Variants in OPA1 observed in about 807,000 individuals in gnomAD.
OPA1 encodes OPA1 mitochondrial dynamin like GTPase.
In OPA1, 59 loss-of-function variants were observed where a neutral mutation model predicts 152.9. That is an observed-to-expected ratio of 0.39 (90% CI 0.31 to 0.48). OPA1 has a LOEUF of 0.48. Among genes scored for constraint, OPA1 ranks in the 20% least tolerant of loss-of-function variants. OPA1 has a pLI of 0.96. For synonymous variants in OPA1, 400 were observed against 389.9 expected (o/e 1.03, Z -0.31); for missense variants, 1,008 against 1,216.8 (o/e 0.83, Z 2.55).
In OPA1 at chr3:193,593,407, C is replaced by T. The variant is rs750596030; in HGVS notation, c.30C>T (p.Ala10=). MWRLRRAAV[A]CEVCQSLVKH... is the part of the protein sequence containing the mutation. ...GGCGACTACGTCGGGCCGCTGTGGC[C>T]TGGTAAGTGCAGGCTCTAATCTGGC... The change falls in exon 1 of 31, where the codon GCC becomes GCT. Residue 10 remains alanine, a splice_region_variant and synonymous_variant. Transcript: ENST00000361510. 1 of 1,547,490 alleles carries T rather than the reference C, an allele frequency of 6.5e-7. No individual in the cohort carries two copies. The highest frequency in any genetic ancestry group is 2.5e-5 in the East Asian group (1 of 40,638).
intron 1 of OPA1, among the ~76,000 whole-genome samples, chr3:193,607,744 G>A (rs1727514421): frequency 6.6e-6 from 1 of 152,142 alleles, no homozygotes; most frequent in Non-Finnish European, 1.5e-5. Context: ...GGCAATGCAG[G>A]CTCTTTTTTG....
Position 193,615,681 on chromosome 3 carries a change from A to G in OPA1, c.359A>G (p.Asp120Gly). Reference sequence around the variant, plus strand: ...CACTTTCTTGTCTTTTAGACTTTTGATCAGTGGAAAGATATGATACCGGAC... The same window carrying G: ...CACTTTCTTGTCTTTTAGACTTTTGGTCAGTGGAAAGATATGATACCGGAC... Reference protein sequence around the residue: ...GGGYTAKKTFDQWKDMIPDLS... With the variant: ...GGGYTAKKTFGQWKDMIPDLS... Residue 120 changes from aspartate (D) to glycine (G), a missense_variant, in exon 3 of 31, where the codon GAT becomes GGT. Around this residue, in one of 7 missense-constraint regions of OPA1, gnomAD observed 408 missense variants for 395.1 expected, o/e 1.03. Coordinates refer to ENST00000361510, the MANE Select transcript of OPA1 (RefSeq NM_130837.3). 6.3e-7 allele frequency: 1 copy of G among 1,598,086 alleles called. No individual in the cohort carries two copies.
intron 6 of OPA1, among the ~76,000 whole-genome samples, chr3:193,623,928 A>G (rs996898457): frequency 1.3e-5 from 2 of 152,130 alleles, no homozygotes; most frequent in Non-Finnish European, 2.9e-5. Flanking sequence ...TAGCTTTTCT[A>G]TGTCTAATTC....
intron 26 of OPA1, among the ~76,000 whole-genome samples, chr3:193,663,417 A>G (rs1388142094): frequency 6.6e-6 from 1 of 152,166 alleles, no homozygotes; most frequent in Non-Finnish European, 1.5e-5. Context: ...GGATATGACC[A>G]TTGAGTTCTT....
chr3:193,658,133 T>C (rs1387907048), intron 23 of OPA1, among the ~76,000 whole-genome samples: 1 of 151,270 alleles, frequency 6.6e-6, no homozygotes, highest in African/African-American at 2.4e-5. Flanking sequence ...TAATCCCAGC[T>C]ACTCGGGAGG....
At chr3:193,692,159 G>A in intron 30 of OPA1, 27 bp downstream of exon 30, 1 of 1,148,264 alleles carries the variant, frequency 8.7e-7, no homozygotes, top group Non-Finnish European at 1.3e-6. Context: ...TAACTGTATT[G>A]GTGCTGACTA....
intron 1 of OPA1, among the ~76,000 whole-genome samples, chr3:193,596,036 C>G (rs1725427987): frequency 6.6e-6 from 1 of 152,018 alleles, no homozygotes; most frequent in Admixed American, 6.6e-5. Context: ...GGATAAGATA[C>G]AAAACATACT....
At chr3:193,690,316 C>CCCA (rs1721503505) in intron 29 of OPA1, among the ~76,000 whole-genome samples, 3 of 107,664 alleles carry the variant, frequency 2.8e-5, no homozygotes, top group African/African-American at 1.1e-4. Flanking sequence ...CCCCCCACCC[C>CCCA]ACCCCACACA....
In OPA1 at chr3:193,615,058, T is replaced by C; in HGVS notation, c.351+17T>C. On this transcript the variant is annotated intron_variant, in intron 2 of 30. Transcript: ENST00000361510. The stretch of plus-strand genomic sequence containing the variant: ...GCCAAAAAGGTGAACTTGACATTCC[T>C]CCTGGTTTTCCAATTATTATATCAT... 6.3e-7 allele frequency: 1 copy of C among 1,582,772 alleles called. No homozygotes were observed. The highest frequency in any genetic ancestry group is 8.7e-7 in the Non-Finnish European group (1 of 1,151,494).
chr3:193,601,677 A>G (rs371065782), intron 1 of OPA1, among the ~76,000 whole-genome samples: 144 of 152,298 alleles, frequency 9.5e-4, no homozygotes, highest in African/African-American at 3.3e-3. Context: ...TAATTCCCAA[A>G]TCTTGAGTAT....
intron 29 of OPA1, among the ~76,000 whole-genome samples, chr3:193,686,521 A>G (rs954033652): frequency 1.3e-5 from 2 of 152,206 alleles, no homozygotes; most frequent in Non-Finnish European, 2.9e-5. Context: ...TTCATCAACT[A>G]AAAGATGCAC....
intron 6 of OPA1, among the ~76,000 whole-genome samples, chr3:193,619,997 T>A (rs1278266547): frequency 6.6e-6 from 1 of 152,218 alleles, no homozygotes; most frequent in East Asian, 1.9e-4. Context: ...GTCTTTTGAT[T>A]TGATCTTTTT....
chr3:193,644,476 AC>A (rs796143647), intron 16 of OPA1, among the ~76,000 whole-genome samples: 13 of 152,344 alleles, frequency 8.5e-5, no homozygotes, highest in African/African-American at 3.1e-4. Flanking sequence ...TTATAATTAA[AC>A]CACATTACTT....
chr3:193,598,581 A>G (rs1035670831), intron 1 of OPA1, among the ~76,000 whole-genome samples: 8 of 152,268 alleles, frequency 5.3e-5, no homozygotes, highest in Admixed American at 6.5e-5. Context: ...CAAGTCAAAC[A>G]GAAAAGTCAG....
chr3:193,600,880 T>C (rs1415887396), intron 1 of OPA1, among the ~76,000 whole-genome samples: 1 of 152,206 alleles, frequency 6.6e-6, no homozygotes, highest in Non-Finnish European at 1.5e-5. Context: ...ATTTCTTTAT[T>C]GTACTTGGTG....
intron 29 of OPA1, among the ~76,000 whole-genome samples, chr3:193,676,929 C>T (rs565532029): frequency 3.6e-5 from 5 of 140,322 alleles, no homozygotes; most frequent in East Asian, 2.1e-4. Context: ...TGCGGTGAGC[C>T]GAGATCGCGC....
intron 29 of OPA1, among the ~76,000 whole-genome samples, chr3:193,667,893 A>G (rs1028372998): frequency 5.9e-5 from 9 of 152,126 alleles, no homozygotes; most frequent in African/African-American, 1.9e-4. Context: ...CCATATAACA[A>G]GATGTTCCAG....
chr3:193,652,831 A>G (rs1001184042), intron 21 of OPA1, among the ~76,000 whole-genome samples: 1 of 152,124 alleles, frequency 6.6e-6, no homozygotes, highest in African/African-American at 2.4e-5. Context: ...AGGAGAAGTG[A>G]TAACAGCTGC....
intron 1 of OPA1, among the ~76,000 whole-genome samples, chr3:193,596,118 C>T (rs1002265166): frequency 5.3e-5 from 8 of 151,636 alleles, no homozygotes; most frequent in African/African-American, 7.2e-5. Context: ...GGATGCATTC[C>T]GCCCCCATCC....
Sources: gnomAD v4.1 joint callset for allele counts (sites outside exome capture counted in the v4.1 genomes callset) on GRCh38, gnomAD v4.1.1 for gene constraint, gnomAD v4.1.1 regional missense constraint, MANE v1.5 for transcripts, NCBI Gene and HGNC (gene_info 2026-07-23, HGNC 2026-07-21) for gene names.